The following PLCZ1 variants were observed in gnomAD, a reference collection of about 807,000 sequenced individuals.
PLCZ1 encodes the protein 1-phosphatidylinositol 4,5-bisphosphate phosphodiesterase zeta-1.
In PLCZ1, 64 loss-of-function variants were observed where a neutral mutation model predicts 76.8. The observed-to-expected ratio is 0.83, with a 90% CI of 0.68 to 1.03. The LOEUF (loss-of-function observed/expected upper bound fraction) is 1.03, where lower values mean the gene tolerates loss of function less well. Among genes scored for constraint, PLCZ1 ranks in the 50% least tolerant of loss-of-function variants. PLCZ1 has a pLI of 0.00. For synonymous variants in PLCZ1, 248 were observed against 230.8 expected (o/e 1.07, Z -0.68); for missense variants, 751 against 713.7 (o/e 1.05, Z -0.60).
chr12:18,647,400 T>A, the PLCZ1 span, among the ~76,000 whole-genome samples: 6 of 150,944 alleles, frequency 4.0e-5, no homozygotes, highest in Non-Finnish European at 7.4e-5. Flanking sequence ...CACAGCATCA[T>A]GCAATATACC....
intron 3 of PLCZ1, among the ~76,000 whole-genome samples, chr12:18,726,657 A>G (rs556849556): frequency 6.6e-6 from 1 of 152,262 alleles, no homozygotes; most frequent in South Asian, 2.1e-4. Context: ...TCCATTTCCA[A>G]TGCTCAGTTT....
At chr12:18,665,832 G>T in the PLCZ1 span, among the ~76,000 whole-genome samples, 1 of 151,986 alleles carries the variant, frequency 6.6e-6, no homozygotes. Flanking sequence ...GTACTTGGGA[G>T]GCTGAGGCAG....
chr12:18,686,557 A>C (rs1953183260), intron 13 of PLCZ1, among the ~76,000 whole-genome samples: 1 of 152,004 alleles, frequency 6.6e-6, no homozygotes. Context: ...TTCATATTTT[A>C]AGACTTATAT....
chr12:18,708,554 C>T (rs1040913954), intron 6 of PLCZ1, among the ~76,000 whole-genome samples: 4 of 152,120 alleles, frequency 2.6e-5, no homozygotes, highest in African/African-American at 9.7e-5. Context: ...CATATGGTGG[C>T]TCTATTTTTT....
At chr12:18,669,698 C>T in the PLCZ1 span, among the ~76,000 whole-genome samples, 1 of 152,120 alleles carries the variant, frequency 6.6e-6, no homozygotes, top group South Asian at 2.1e-4. Context: ...CGCTCTGTCA[C>T]CCAGGCTAGA....
Position 18,705,263 on chromosome 12 carries a change from TGGGCAGTG to T in PLCZ1, c.759_766del (p.Ala255ArgfsTer18). The T allele has an allele frequency of 6.2e-7, 1 of 1,614,092 alleles. No homozygotes were observed. The highest frequency in any genetic ancestry group is 1.1e-5 in the South Asian group (1 of 91,084). ...CAAATTGTCTGCCATTACTTCTTGT[TGGGCAGTG>T]GAGCAGTGATTTTCTAAAGAGAGCA... On this transcript the variant is annotated frameshift_variant, in exon 7 of 15. Transcript: ENST00000266505. LOFTEE classifies it high-confidence loss of function.
intron 10 of PLCZ1, among the ~76,000 whole-genome samples, chr12:18,698,288 C>CTATTCTATTCTAT (rs1565677402): frequency 3.6e-5 from 2 of 54,872 alleles, no homozygotes; most frequent in Admixed American, 1.9e-4. Context: ...TTCTATTCTA[C>CTATTCTATTCTAT]TCCATTCCAT....
chr12:18,662,822 G>C, the PLCZ1 span, among the ~76,000 whole-genome samples: 1 of 151,768 alleles, frequency 6.6e-6, no homozygotes, highest in African/African-American at 2.4e-5. Context: ...TAATCCCCAT[G>C]GTAACCAAAC....
chr12:18,663,393 C>G, the PLCZ1 span, among the ~76,000 whole-genome samples: 1 of 152,018 alleles, frequency 6.6e-6, no homozygotes, highest in Non-Finnish European at 1.5e-5. Flanking sequence ...AGTATAATAA[C>G]TATTTACATA....
chr12:18,700,538 A>AAAAAAAAAAAAG (rs1370935394), intron 9 of PLCZ1, among the ~76,000 whole-genome samples: 1 of 135,918 alleles, frequency 7.4e-6, no homozygotes. Flanking sequence ...AAAAAAAAAT[A>AAAAAAAAAAAAG]GTTGCTCTGC....
At chr12:18,730,783 G>C (rs1261359182) in intron 3 of PLCZ1, among the ~76,000 whole-genome samples, 1 of 152,006 alleles carries the variant, frequency 6.6e-6, no homozygotes, top group Non-Finnish European at 1.5e-5. Context: ...GATAATCACT[G>C]AATAATATTT....
intron 13 of PLCZ1, among the ~76,000 whole-genome samples, chr12:18,684,482 C>T (rs1952795610): frequency 6.6e-6 from 1 of 151,872 alleles, no homozygotes; most frequent in South Asian, 2.1e-4. Context: ...GGGCAATGTT[C>T]TAAGAATGGA....
In PLCZ1 at chr12:18,695,001, T is replaced by C. The variant is rs771198317; in HGVS notation, c.1370A>G (p.Tyr457Cys). The C allele has an allele frequency of 3.2e-5, 51 of 1,611,158 alleles. No individual in the cohort carries two copies. Among genetic ancestry groups the C allele is most frequent in the Non-Finnish European group, 4.2e-5 (49 of 1,177,686 alleles). The change falls in exon 12 of 15, where the codon TAT becomes TGT. Residue 457 changes from tyrosine to cysteine, a missense_variant. Physicochemically the swap from Tyr to Cys is radical, Grantham distance 194. Transcript: ENST00000266505. ...GKFLDNGGSG[Y>C]ILKPHFLRES... ...TCTTAAGAAATGTGGTTTCAAAATA[T>C]ATCCAGAACCACCATTATCCAAAAA...
chr12:18,650,696 G>A, the PLCZ1 span, among the ~76,000 whole-genome samples: 1 of 43,698 alleles, frequency 2.3e-5, no homozygotes. Flanking sequence ...GTGTGTGTGT[G>A]TGTGTGTGTA....
chr12:18,719,143 T>G (rs1282235381), intron 5 of PLCZ1, among the ~76,000 whole-genome samples: 1 of 152,110 alleles, frequency 6.6e-6, no homozygotes, highest in Non-Finnish European at 1.5e-5. Flanking sequence ...CTTTGAGAAG[T>G]GTCTAGGTTA....
chr12:18,700,004 A>T (rs1407666085), intron 9 of PLCZ1, 54 bp from the exon 10 acceptor site: 36 of 1,501,242 alleles, frequency 2.4e-5, no homozygotes, highest in Non-Finnish European at 3.3e-5. Context: ...TGGGAAAAAA[A>T]ATTTTTTCTA....
At chr12:18,670,281 T>A in the PLCZ1 span, among the ~76,000 whole-genome samples, 1 of 151,746 alleles carries the variant, frequency 6.6e-6, no homozygotes. Context: ...TTACAGAAAT[T>A]ACACACATAT....
intron 2 of PLCZ1, chr12:18,736,793 G>A (rs761124302): frequency 5.4e-5 from 37 of 688,372 alleles, no homozygotes; most frequent in South Asian, 4.1e-4. Flanking sequence ...ATATGCCACC[G>A]AACACAGTTT....
At chr12:18,692,701 T>C (rs1470015230) in intron 12 of PLCZ1, 2 of 751,730 alleles carry the variant, frequency 2.7e-6, no homozygotes, top group Admixed American at 2.6e-5. Context: ...CAAAATCAAA[T>C]ACAGACTTTG....
Sources: allele counts gnomAD v4.1 joint callset (sites outside exome capture counted in the v4.1 genomes callset), GRCh38; gene constraint gnomAD v4.1.1; transcripts MANE v1.5; gene names NCBI Gene and HGNC (gene_info 2026-07-23, HGNC 2026-07-21).